PRKAR2A: variants seen among roughly 807,000 people sequenced by gnomAD.
PRKAR2A encodes the protein protein kinase cAMP-dependent type II regulatory subunit alpha.
A neutral mutation model predicts 51.9 loss-of-function variants in PRKAR2A; 29 were observed. The ratio of observed to expected loss-of-function variants is 0.56; its 90% CI spans 0.42 to 0.76. The LOEUF is 0.76. PRKAR2A is among the 30% of genes least tolerant of loss of function. The pLI, the probability that PRKAR2A is intolerant of heterozygous loss-of-function variation, is 0.00. For missense variants in PRKAR2A, 445 were observed against 512.1 expected, an observed-to-expected ratio of 0.87 and a Z score of 1.26; for synonymous variants, 178 against 186.2, an observed-to-expected ratio of 0.96 and a Z score of 0.36.
intron 2 of PRKAR2A, among the ~76,000 whole-genome samples, chr3:48,794,682 G>A (rs1452601155): frequency 1.3e-5 from 2 of 152,008 alleles, no homozygotes; most frequent in East Asian, 3.9e-4. Context: ...TTGACACAAT[G>A]AGACTCCGTC....
intron 1 of PRKAR2A, among the ~76,000 whole-genome samples, chr3:48,828,862 C>T (rs755112877): frequency 4.6e-5 from 7 of 151,692 alleles, no homozygotes; most frequent in Non-Finnish European, 8.8e-5. Context: ...GAGACAGAGC[C>T]TTGCTCTGTC....
At chr3:48,826,765 A>G (rs2083075098) in intron 1 of PRKAR2A, among the ~76,000 whole-genome samples, 1 of 152,122 alleles carries the variant, frequency 6.6e-6, no homozygotes, top group African/African-American at 2.4e-5. Context: ...GAAAATTCCA[A>G]AGGTTTTAGA....
chr3:48,799,148 T>C (rs1297143790), intron 2 of PRKAR2A, among the ~76,000 whole-genome samples: 1 of 152,218 alleles, frequency 6.6e-6, no homozygotes, highest in Non-Finnish European at 1.5e-5. Flanking sequence ...CTTGCCACAG[T>C]ACACAAGTTA....
chr3:48,837,285 C>G (rs571766230), intron 1 of PRKAR2A, among the ~76,000 whole-genome samples: 1 of 152,068 alleles, frequency 6.6e-6, no homozygotes, highest in African/African-American at 2.4e-5. Flanking sequence ...ACCAGGGCAA[C>G]AGAGTGACAC....
intron 6 of PRKAR2A, among the ~76,000 whole-genome samples, chr3:48,769,157 C>CTTTTTTTTTT (rs200382765): frequency 2.2e-5 from 3 of 136,310 alleles, no homozygotes; most frequent in East Asian, 2.2e-4. Flanking sequence ...AAATATCTTT[C>CTTTTTTTTTT]TTTTTTTTTT....
intron 1 of PRKAR2A, among the ~76,000 whole-genome samples, chr3:48,838,721 G>C (rs992699397): frequency 6.6e-6 from 1 of 152,154 alleles, no homozygotes; most frequent in East Asian, 1.9e-4. Context: ...GCTCATGCCT[G>C]TAATCTCAGC....
intron 8 of PRKAR2A, among the ~76,000 whole-genome samples, chr3:48,758,450 G>A (rs1188059745): frequency 2.0e-5 from 3 of 150,894 alleles, no homozygotes; most frequent in African/African-American, 7.3e-5. Flanking sequence ...AGGCGTGGTG[G>A]TGTGTGCCTG....
At chr3:48,785,254 G>T (rs1299589775) in intron 4 of PRKAR2A, among the ~76,000 whole-genome samples, 3 of 146,388 alleles carry the variant, frequency 2.0e-5, no homozygotes, top group Non-Finnish European at 3.0e-5. Context: ...ACCAGGCCTG[G>T]ATAATTTTTT....
At chr3:48,767,083 G>C (rs2081952141) in intron 6 of PRKAR2A, among the ~76,000 whole-genome samples, 1 of 152,196 alleles carries the variant, frequency 6.6e-6, no homozygotes, top group African/African-American at 2.4e-5. Flanking sequence ...TAATTGCTTA[G>C]TCTTAGATTC....
Position 48,847,577 on chromosome 3 carries a change from G to C in PRKAR2A, c.20C>G (p.Pro7Arg). Residue 7 changes from proline to arginine, a missense_variant, in exon 1 of 11, where the codon CCG (proline) becomes CGG (arginine). Transcript: ENST00000265563. The surrounding 1 kb of genome is among the most constrained non-coding windows in gnomAD (Gnocchi z 4.4). ...CTGCAGCAGCTCCGTGAGCCCCGGC[G>C]GGATCTGGATGTGGCTCATGCCGGC... MSHIQIPPGLTELLQGY... is the reference protein window; with the variant it reads MSHIQIRPGLTELLQGY... 1 of 1,542,656 alleles carries C rather than the reference G, an allele frequency of 6.5e-7. No individual in the cohort carries two copies. Among genetic ancestry groups the C allele is most frequent in the Non-Finnish European group, 8.7e-7 (1 of 1,150,024 alleles).
At chr3:48,845,426 G>A (rs1213855586) in intron 1 of PRKAR2A, among the ~76,000 whole-genome samples, 2 of 152,182 alleles carry the variant, frequency 1.3e-5, no homozygotes, top group African/African-American at 4.8e-5. Context: ...TCCCTGCCGT[G>A]ACTTGAATAC....
At chr3:48,813,373 A>C (rs2082811513) in intron 1 of PRKAR2A, among the ~76,000 whole-genome samples, 1 of 152,130 alleles carries the variant, frequency 6.6e-6, no homozygotes, top group African/African-American at 2.4e-5. Context: ...ACTGCATTAC[A>C]GCCTGGGCTA....
intron 1 of PRKAR2A, among the ~76,000 whole-genome samples, chr3:48,844,745 C>A (rs1248174278): frequency 6.7e-5 from 10 of 149,550 alleles, no homozygotes; most frequent in Admixed American, 5.4e-4. Flanking sequence ...GGACAAAAAA[C>A]CAAACACCGC....
intron 2 of PRKAR2A, among the ~76,000 whole-genome samples, chr3:48,800,855 A>G (rs2082578438): frequency 6.6e-6 from 1 of 151,298 alleles, no homozygotes. Context: ...TTGTATTTTT[A>G]GTAGAGACAG....
chr3:48,836,982 T>G (rs749213601), intron 1 of PRKAR2A, among the ~76,000 whole-genome samples: 7 of 151,826 alleles, frequency 4.6e-5, no homozygotes, highest in Non-Finnish European at 1.0e-4. Flanking sequence ...AATACAAAAA[T>G]TAGCCAGGCA....
intron 1 of PRKAR2A, among the ~76,000 whole-genome samples, chr3:48,835,920 TG>T (rs1295980061): frequency 6.6e-6 from 1 of 152,136 alleles, no homozygotes; most frequent in Non-Finnish European, 1.5e-5. Context: ...GATATTAGCA[TG>T]TGGTCAGACA....
In PRKAR2A at chr3:48,793,989, G is replaced by T. The variant is rs777533317; in HGVS notation, c.351+8C>A. On this transcript the variant is annotated splice_region_variant and intron_variant, in intron 3 of 10. Coordinates refer to ENST00000265563, the MANE Select transcript of PRKAR2A (RefSeq NM_004157.4). ...AATTCTACCTAACATCTTTGCTTTG[G>T]GTCTTACCCTTGGATCTGTATCTTC... is the stretch of plus-strand genomic sequence containing the variant. 6.3e-7 allele frequency: 1 copy of T among 1,588,492 alleles called. No individual in the cohort carries two copies. Among genetic ancestry groups the T allele is most frequent in the Non-Finnish European group, 8.6e-7 (1 of 1,157,126 alleles).
At chr3:48,758,090 A>G (rs182726933) in intron 8 of PRKAR2A, among the ~76,000 whole-genome samples, 68 of 151,526 alleles carry the variant, frequency 4.5e-4, no homozygotes, top group Non-Finnish European at 9.0e-4. Context: ...GCATACATAC[A>G]TACATACATA....
intron 4 of PRKAR2A, among the ~76,000 whole-genome samples, chr3:48,787,156 ATTT>A (rs2082306983): frequency 5.3e-5 from 1 of 18,952 alleles, no homozygotes; most frequent in Non-Finnish European, 1.2e-4. Flanking sequence ...AAAAGTAATT[ATTT>A]ATTTATTTAT....
Sources: gnomAD v4.1 joint callset for allele counts (sites outside exome capture counted in the v4.1 genomes callset) on GRCh38, gnomAD v4.1.1 for gene constraint, Gnocchi (gnomAD v3.1) non-coding constraint, MANE v1.5 for transcripts, NCBI Gene and HGNC (gene_info 2026-07-23, HGNC 2026-07-21) for gene names.